RUBCN: variants seen among roughly 807,000 people sequenced by gnomAD.
The protein encoded by RUBCN is rubicon autophagy regulator.
In RUBCN, 74 loss-of-function variants were observed where a neutral mutation model predicts 113.2. That is an observed-to-expected ratio of 0.65 (90% CI 0.54 to 0.79). The LOEUF (loss-of-function observed/expected upper bound fraction) is 0.79. RUBCN is among the 30% of genes least tolerant of loss of function. The pLI, the probability that RUBCN is intolerant of heterozygous loss-of-function variation, is 0.00. For synonymous variants in RUBCN, 480 were observed against 490.0 expected (o/e 0.98, Z 0.27); for missense variants, 1,109 against 1,251.7 (o/e 0.89, Z 1.72).
chr3:197,701,858 T>C lies in RUBCN; in HGVS notation c.577A>G (p.Arg193Gly), dbSNP rs759765301. 5.6e-6 allele frequency: 9 copies of C among 1,613,982 alleles called. No homozygotes were observed. The South Asian group carries it at 6.6e-5, about 12-fold the overall frequency. Residue 193 changes from arginine (R) to glycine (G), a missense_variant, in exon 6 of 20, where the codon AGA becomes GGA. Coordinates refer to ENST00000296343, the MANE Select transcript of RUBCN (RefSeq NM_014687.4). ...LAQIDASMFA[R>G]KHESPLLVTK... ...ACCAGGAGCGGGCTCTCGTGCTTTC[T>C]GGCAAACTAAAAAGCAAAACAAAAC...
intron 1 of RUBCN, among the ~76,000 whole-genome samples, chr3:197,735,729 C>CCA (rs960350098): frequency 6.6e-6 from 1 of 151,890 alleles, no homozygotes; most frequent in Non-Finnish European, 1.5e-5. Context: ...GTAGCTGGCA[C>CCA]CACAGGTGAG....
upstream of RUBCN, among the ~76,000 whole-genome samples, chr3:197,741,016 G>A (rs1728505357): frequency 6.6e-6 from 1 of 152,110 alleles, no homozygotes; most frequent in African/African-American, 2.4e-5. Context: ...AAGCAAATGT[G>A]GCAAAACATT....
intron 11 of RUBCN, among the ~76,000 whole-genome samples, chr3:197,685,939 A>T (rs1415360150): frequency 1.3e-5 from 2 of 152,206 alleles, no homozygotes; most frequent in Non-Finnish European, 2.9e-5. Flanking sequence ...TCTTGCCTTG[A>T]GCTAGGAGCC....
intron 1 of RUBCN, among the ~76,000 whole-genome samples, chr3:197,749,034 G>C (rs535200816): frequency 6.6e-6 from 1 of 152,200 alleles, no homozygotes; most frequent in African/African-American, 2.4e-5. Flanking sequence ...AGCTGTATGA[G>C]GGTGATATAA....
At chr3:197,696,453 T>A (rs1345607822) in intron 8 of RUBCN, among the ~76,000 whole-genome samples, 1 of 151,976 alleles carries the variant, frequency 6.6e-6, no homozygotes, top group African/African-American at 2.4e-5. Flanking sequence ...TGGAAAACGG[T>A]AGAATAAACA....
At chr3:197,737,052 C>G, upstream of RUBCN, 7 of 651,822 alleles carry the variant, frequency 1.1e-5, no homozygotes, top group Non-Finnish European at 1.5e-5. Context: ...GCCCTCCAAT[C>G]CCAGGCCGCT....
At chr3:197,699,120 AG>A (rs1723345470) in intron 7 of RUBCN, 2 of 1,096,654 alleles carry the variant, frequency 1.8e-6, no homozygotes, top group Non-Finnish European at 1.4e-6. Flanking sequence ...AGACTGAAGG[AG>A]GTTCTGAACT....
At chr3:197,706,499 T>G (rs1305846776) in intron 2 of RUBCN, among the ~76,000 whole-genome samples, 2 of 151,698 alleles carry the variant, frequency 1.3e-5, no homozygotes, top group African/African-American at 4.8e-5. Context: ...CTGGGCAACA[T>G]AGCGAGACCC....
intron 1 of RUBCN, among the ~76,000 whole-genome samples, chr3:197,719,093 T>A (rs530654126): frequency 6.6e-6 from 1 of 152,318 alleles, no homozygotes; most frequent in East Asian, 1.9e-4. Flanking sequence ...TCCGGTCTCA[T>A]AGGCCTGAGA....
intron 2 of RUBCN, among the ~76,000 whole-genome samples, chr3:197,707,289 G>A (rs371111064): frequency 6.6e-6 from 1 of 151,956 alleles, no homozygotes; most frequent in Admixed American, 6.6e-5. Context: ...CCGAGATGGC[G>A]CCACTGCACT....
rs909787651 is a variant in RUBCN, at chr3:197,669,351, C to G, written c.*5667G>C. Among the ~76,000 whole-genome samples, 1 of 152,222 alleles carries G rather than the reference C, an allele frequency of 6.6e-6. No individual in the cohort carries two copies. Among genetic ancestry groups the G allele is most frequent in the Non-Finnish European group, 1.5e-5 (1 of 68,036 alleles). ...TCAGTCATCGTATCTGCTTAGTCTC[C>G]TCTCGTCCGTGACGGCATCTCTTTC... is the stretch of plus-strand genomic sequence containing the variant. On this transcript the variant is annotated 3_prime_UTR_variant, in exon 20 of 20. Coordinates refer to ENST00000296343, the MANE Select transcript of RUBCN (RefSeq NM_014687.4).
chr3:197,690,389 GATTGCGCC>G (rs1290147840), intron 11 of RUBCN, among the ~76,000 whole-genome samples: 3 of 152,152 alleles, frequency 2.0e-5, no homozygotes, highest in Non-Finnish European at 4.4e-5. Flanking sequence ...AGTGAGCCGA[GATTGCGCC>G]ATTGCACTCC....
intron 1 of RUBCN, among the ~76,000 whole-genome samples, chr3:197,727,736 C>G (rs934101851): frequency 8.5e-5 from 13 of 152,292 alleles, no homozygotes; most frequent in South Asian, 4.1e-4. Flanking sequence ...ATCTGCTTGA[C>G]GGAATGGAAG....
At chr3:197,738,925 A>AT, upstream of RUBCN, among the ~76,000 whole-genome samples, 1 of 151,922 alleles carries the variant, frequency 6.6e-6, no homozygotes, top group East Asian at 1.9e-4. Context: ...TATGAACTTT[A>AT]TTTTTTGGCA....
chr3:197,674,576 T>C lies in RUBCN; in HGVS notation c.*442A>G. Reference sequence around the variant, plus strand: ...CAGGACAGGGAGAGGGAAAACGCCATCCCCGTTTCAGCAGCAGGAGAGGTG... The same window carrying C: ...CAGGACAGGGAGAGGGAAAACGCCACCCCCGTTTCAGCAGCAGGAGAGGTG... On this transcript the variant is annotated 3_prime_UTR_variant, in exon 20 of 20. Transcript: ENST00000296343. The C allele has an allele frequency of 2.0e-6, 1 of 501,822 alleles. No homozygotes were observed. The highest frequency in any genetic ancestry group is 1.5e-5 in the South Asian group (1 of 66,920). The allele number at this position is 501,822 out of a possible 1,614,324, so 31.1% of individuals were successfully genotyped here.
chr3:197,683,274 GC>G lies in RUBCN; in HGVS notation c.1980+32del. ...AACAAGGTCACAGAGGCTCACGATG[GC>G]CCCTGGGTAGGAAGAAGAGCTAAGG... On this transcript the variant is annotated intron_variant, in intron 13 of 19. Transcript: ENST00000296343. This position sits in a 1 kb window ranked among gnomAD's most constrained non-coding sequence, Gnocchi z 4.6. 1.2e-6 allele frequency: 2 copies of G among 1,613,922 alleles called. No individual in the cohort carries two copies. The highest frequency in any genetic ancestry group is 1.7e-6 in the Non-Finnish European group (2 of 1,179,810).
intron 9 of RUBCN, among the ~76,000 whole-genome samples, chr3:197,694,825 G>A (rs573986588): frequency 9.0e-4 from 137 of 152,210 alleles, no homozygotes; most frequent in African/African-American, 3.2e-3. Context: ...AAATATGATA[G>A]AGAAGAGGCC....
intron 4 of RUBCN, 145 bp downstream of exon 4, chr3:197,704,397 G>C: frequency 1.3e-6 from 1 of 798,064 alleles, no homozygotes; most frequent in Non-Finnish European, 2.2e-6. Flanking sequence ...TCACGCCATT[G>C]CACTCCAGCC....
At chr3:197,719,802 C>G (rs1725944529) in intron 1 of RUBCN, among the ~76,000 whole-genome samples, 1 of 152,116 alleles carries the variant, frequency 6.6e-6, no homozygotes, top group Non-Finnish European at 1.5e-5. Flanking sequence ...TTAGTGTCAC[C>G]TTTTTAAAAA....
Sources: gnomAD v4.1 joint callset for allele counts (sites outside exome capture counted in the v4.1 genomes callset) on GRCh38, gnomAD v4.1.1 for gene constraint, Gnocchi (gnomAD v3.1) non-coding constraint, MANE v1.5 for transcripts, NCBI Gene and HGNC (gene_info 2026-07-23, HGNC 2026-07-21) for gene names.